Variants in PIK3C2G observed in about 807,000 individuals in gnomAD.
PIK3C2G encodes phosphatidylinositol-4-phosphate 3-kinase catalytic subunit type 2 gamma, also known as phosphatidylinositol 3-kinase C2 domain-containing subunit gamma.
Under a neutral mutation model 181.1 loss-of-function variants are expected in PIK3C2G, and 168 were observed. The observed-to-expected ratio is 0.93, with a 90% CI of 0.82 to 1.05. The LOEUF is 1.05. Among genes scored for constraint, PIK3C2G ranks in the 50% least tolerant of loss-of-function variants. The pLI, the probability that PIK3C2G is intolerant of heterozygous loss-of-function variation, is 0.00. For missense variants in PIK3C2G, 1,869 were observed against 1,732.8 expected (o/e 1.08, Z -1.40); for synonymous variants, 573 against 592.2 (o/e 0.97, Z 0.47).
In PIK3C2G at chr12:18,346,823, A is replaced by T; in HGVS notation, c.1612A>T (p.Thr538Ser). 2 of 1,609,620 alleles carry T rather than the reference A, an allele frequency of 1.2e-6. No homozygotes were observed. Among genetic ancestry groups the T allele is most frequent in the Non-Finnish European group, 1.7e-6 (2 of 1,177,568 alleles). The change falls in exon 11 of 33, where the codon ACC (threonine) becomes TCC (serine). Residue 538 changes from threonine (T) to serine (S), a missense_variant. Physicochemically the swap from Thr to Ser is moderately conservative, Grantham distance 58. Transcript: ENST00000538779. ...GTATGCAGCACACAACATTCCAGAA[A>T]CCTGGGTGCACAGGTGAGTGGTGGT... ...TVYAAHNIPE[T>S]WVHSYKAFSF...
rs117418626 is a variant in PIK3C2G at position 18,377,971 on chromosome 12, C to T, written c.1881-3795C>T. Among the ~76,000 whole-genome samples, 254 of 152,264 alleles carry T rather than the reference C, an allele frequency of 1.7e-3. 1 individual carries two copies. The highest frequency in any genetic ancestry group is 2.7e-3 in the Non-Finnish European group (186 of 68,030). On this transcript the variant is annotated intron_variant, in intron 13 of 32. Transcript: ENST00000538779. ...TCTCGGGTTTAAGTGATTCTCCTGCCTCAGCCTCCCAAGTAGCTGGGATAT... is the reference window on the plus strand; with the variant it reads ...TCTCGGGTTTAAGTGATTCTCCTGCTTCAGCCTCCCAAGTAGCTGGGATAT...
intron 18 of PIK3C2G, among the ~76,000 whole-genome samples, chr12:18,468,014 C>A (rs1452928875): frequency 2.6e-5 from 4 of 151,954 alleles, no homozygotes; most frequent in Non-Finnish European, 5.9e-5. Context: ...GCTACATAAA[C>A]ATAAACTGCC....
chr12:18,561,318 A>C (rs74736891), intron 26 of PIK3C2G, among the ~76,000 whole-genome samples: 1 of 152,212 alleles, frequency 6.6e-6, no homozygotes, highest in Admixed American at 6.5e-5. Context: ...CAATAAAAAA[A>C]TGGAGGTGGG....
At chr12:18,274,216 T>C (rs1043324418) in intron 1 of PIK3C2G, among the ~76,000 whole-genome samples, 3 of 152,168 alleles carry the variant, frequency 2.0e-5, no homozygotes, top group Non-Finnish European at 2.9e-5. Flanking sequence ...GACTGTAAAC[T>C]AGTTCAACCA....
At chr12:18,388,763 G>T (rs1194868046) in intron 14 of PIK3C2G, among the ~76,000 whole-genome samples, 2 of 152,162 alleles carry the variant, frequency 1.3e-5, no homozygotes, top group African/African-American at 4.8e-5. Context: ...TAGAAATCAT[G>T]GTGGCCAACT....
intron 26 of PIK3C2G, among the ~76,000 whole-genome samples, chr12:18,551,079 A>G (rs1944703980): frequency 6.6e-6 from 1 of 152,056 alleles, no homozygotes; most frequent in Non-Finnish European, 1.5e-5. Context: ...TGTACAATTA[A>G]TGGTATTTAG....
intron 10 of PIK3C2G, among the ~76,000 whole-genome samples, chr12:18,345,449 A>C (rs1043552998): frequency 5.9e-5 from 9 of 152,222 alleles, no homozygotes; most frequent in Non-Finnish European, 1.3e-4. Context: ...CAAATTTATG[A>C]ATAACTAAGT....
intron 18 of PIK3C2G, among the ~76,000 whole-genome samples, chr12:18,455,551 T>C (rs1947580759): frequency 6.6e-6 from 1 of 152,130 alleles, no homozygotes; most frequent in Non-Finnish European, 1.5e-5. Flanking sequence ...AAAAATACCA[T>C]AAACCAAGTG....
intron 24 of PIK3C2G, among the ~76,000 whole-genome samples, chr12:18,515,170 C>T (rs1332225985): frequency 6.6e-6 from 1 of 151,812 alleles, no homozygotes; most frequent in South Asian, 2.1e-4. Flanking sequence ...CATCTATGCT[C>T]ATCAGACCTG....
intron 1 of PIK3C2G, among the ~76,000 whole-genome samples, chr12:18,267,543 C>A (rs1019506698): frequency 3.3e-5 from 5 of 152,128 alleles, no homozygotes; most frequent in African/African-American, 1.2e-4. Context: ...TGAATTCTCT[C>A]CGTTGATGAC....
At chr12:18,564,633 T>C (rs1426727066) in intron 28 of PIK3C2G, among the ~76,000 whole-genome samples, 1 of 151,990 alleles carries the variant, frequency 6.6e-6, no homozygotes, top group Non-Finnish European at 1.5e-5. Flanking sequence ...ATTAAGAGCA[T>C]ACTCAAGAGA....
chr12:18,722,791 G>A, the PIK3C2G span, among the ~76,000 whole-genome samples: 3 of 151,844 alleles, frequency 2.0e-5, no homozygotes, highest in Admixed American at 1.3e-4. Flanking sequence ...CAAGCGAAAA[G>A]TATATATATT....
chr12:18,648,396 A>T lies in PIK3C2G; in HGVS notation c.*368A>T, dbSNP rs1591777708. 4.6e-6 allele frequency: 1 copy of T among 217,424 alleles called. No homozygotes were observed. The highest frequency in any genetic ancestry group is 6.8e-5 in the East Asian group (1 of 14,624). The allele number at this position is 217,424 out of a possible 1,614,324, so 13.5% of individuals were successfully genotyped here. ...TATTTTATAAGAAAGACAATCAAAT[A>T]AACCTCATCAATTAATTCAAGATCT... On this transcript the variant is annotated 3_prime_UTR_variant, in exon 33 of 33. Coordinates refer to ENST00000538779, the MANE Select transcript of PIK3C2G (RefSeq NM_001288772.2).
At chr12:18,350,554 T>C (rs1338435060) in intron 11 of PIK3C2G, among the ~76,000 whole-genome samples, 1 of 152,320 alleles carries the variant, frequency 6.6e-6, no homozygotes, top group South Asian at 2.1e-4. Context: ...AGAGGTTTCT[T>C]GTCCCATAAC....
the PIK3C2G span, among the ~76,000 whole-genome samples, chr12:18,662,402 A>G: frequency 6.6e-6 from 1 of 152,116 alleles, no homozygotes; most frequent in East Asian, 1.9e-4. Flanking sequence ...TGTTTATCCC[A>G]GATAAACAAA....
chr12:18,491,674 C>A, intron 20 of PIK3C2G, 116 bp downstream of exon 20: 2 of 586,948 alleles, frequency 3.4e-6, no homozygotes, highest in Admixed American at 3.0e-5. Flanking sequence ...ATTATTTTAA[C>A]GAAAAAGTAA....
downstream of PIK3C2G, among the ~76,000 whole-genome samples, chr12:18,651,569 C>G (rs1025023697): frequency 6.6e-6 from 1 of 152,122 alleles, no homozygotes; most frequent in Non-Finnish European, 1.5e-5. Context: ...GGTGTCCTCA[C>G]CATAAAGAAC....
chr12:18,251,304 T>C (rs2136952304), intron 1 of PIK3C2G, among the ~76,000 whole-genome samples: 1 of 152,138 alleles, frequency 6.6e-6, no homozygotes, highest in African/African-American at 2.4e-5. Context: ...CTTAAAACTG[T>C]CAACTTACAG....
At chr12:18,322,277 G>T (rs985622164) in intron 7 of PIK3C2G, among the ~76,000 whole-genome samples, 8 of 151,950 alleles carry the variant, frequency 5.3e-5, no homozygotes, top group African/African-American at 1.9e-4. Context: ...AGCTACTTGG[G>T]AGGCTGAGGC....
Sources: gnomAD v4.1 joint callset for allele counts (sites outside exome capture counted in the v4.1 genomes callset) on GRCh38, gnomAD v4.1.1 for gene constraint, MANE v1.5 for transcripts, NCBI Gene and HGNC (gene_info 2026-07-23, HGNC 2026-07-21) for gene names.